The following PCDH15 variants were observed in gnomAD, a reference collection of about 807,000 sequenced individuals.
PCDH15 encodes protocadherin-15.
PCDH15 carries 129 observed loss-of-function variants against 178.5 expected under a neutral mutation model. The ratio of observed to expected loss-of-function variants is 0.72; its 90% confidence interval spans 0.63 to 0.84. PCDH15 has a LOEUF of 0.84. Ranked by LOEUF, PCDH15 falls within the 40% of genes least tolerant of loss-of-function variation. PCDH15 has a pLI of 0.00. For synonymous variants in PCDH15, 800 were observed against 732.0 expected (o/e 1.09, Z -1.50); for missense variants, 2,230 against 2,099.9 (o/e 1.06, Z -1.21).
chr10:53,906,303 C>A (rs1213435029), intron 25 of PCDH15, among the ~76,000 whole-genome samples: 2 of 151,404 alleles, frequency 1.3e-5, no homozygotes, highest in Non-Finnish European at 2.9e-5. Flanking sequence ...TGTTATGTAT[C>A]CCTCCTTTGA....
At chr10:55,327,339 T>C (rs886783245) in intron 2 of PCDH15, among the ~76,000 whole-genome samples, 9 of 152,200 alleles carry the variant, frequency 5.9e-5, no homozygotes, top group African/African-American at 2.2e-4. Context: ...ATTTAGCCTA[T>C]GGCATTTTTG....
intron 1 of PCDH15, among the ~76,000 whole-genome samples, chr10:55,296,069 T>C (rs1564979519): frequency 6.6e-6 from 1 of 152,094 alleles, no homozygotes; most frequent in Non-Finnish European, 1.5e-5. Context: ...ACTGGTTTAT[T>C]ATAGAGGATA....
At chr10:53,904,536 C>G (rs2082541981) in intron 25 of PCDH15, among the ~76,000 whole-genome samples, 1 of 150,554 alleles carries the variant, frequency 6.6e-6, no homozygotes, top group Admixed American at 6.6e-5. Flanking sequence ...AGATTTTGCT[C>G]CTATCCTGCT....
intron 2 of PCDH15, among the ~76,000 whole-genome samples, chr10:55,047,299 A>C (rs1841033426): frequency 6.6e-6 from 1 of 151,906 alleles, no homozygotes; most frequent in African/African-American, 2.4e-5. Context: ...ATGGTAATTA[A>C]AATTCTCTTT....
At chr10:54,124,748 C>A (rs1271836657) in intron 15 of PCDH15, among the ~76,000 whole-genome samples, 1 of 152,146 alleles carries the variant, frequency 6.6e-6, no homozygotes, top group East Asian at 1.9e-4. Flanking sequence ...CCTGTATCAT[C>A]TTCAGAGCAA....
intron 8 of PCDH15, among the ~76,000 whole-genome samples, chr10:54,268,598 C>T (rs906769730): frequency 6.6e-6 from 1 of 151,860 alleles, no homozygotes; most frequent in African/African-American, 2.4e-5. Context: ...GAATGAAATC[C>T]TTTCCTTTGC....
At chr10:54,582,953 G>T (rs181967271) in intron 2 of PCDH15, among the ~76,000 whole-genome samples, 4 of 151,948 alleles carry the variant, frequency 2.6e-5, no homozygotes, top group African/African-American at 9.7e-5. Context: ...CCTTTATTTA[G>T]CATATTAATA....
chr10:55,454,797 A>T (rs1430663356), intron 2 of PCDH15, among the ~76,000 whole-genome samples: 1 of 151,752 alleles, frequency 6.6e-6, no homozygotes, highest in Admixed American at 6.6e-5. Flanking sequence ...AAAAAAAAAA[A>T]AAAATTTAGC....
intron 2 of PCDH15, among the ~76,000 whole-genome samples, chr10:55,103,735 A>G (rs1300606025): frequency 6.6e-6 from 1 of 151,950 alleles, no homozygotes; most frequent in Non-Finnish European, 1.5e-5. Flanking sequence ...GGTCCTTATG[A>G]CTCCCTAATC....
chr10:55,368,063 T>A (rs748362467), intron 2 of PCDH15, among the ~76,000 whole-genome samples: 1 of 152,102 alleles, frequency 6.6e-6, no homozygotes, highest in Non-Finnish European at 1.5e-5. Context: ...TGACTTATAA[T>A]AGGATGGTCC....
At chr10:55,130,733 A>G (rs981958045) in intron 2 of PCDH15, among the ~76,000 whole-genome samples, 1 of 151,158 alleles carries the variant, frequency 6.6e-6, no homozygotes, top group Non-Finnish European at 1.5e-5. Flanking sequence ...GTGTATATAC[A>G]TTAAGCCATA....
chr10:55,397,707 T>C (rs1837963707), intron 2 of PCDH15, among the ~76,000 whole-genome samples: 1 of 152,080 alleles, frequency 6.6e-6, no homozygotes, highest in African/African-American at 2.4e-5. Context: ...TGCCTCAGCC[T>C]CCTGAGTAGC....
At chr10:54,441,762 G>T (rs567130295) in intron 3 of PCDH15, among the ~76,000 whole-genome samples, 6 of 151,882 alleles carry the variant, frequency 4.0e-5, no homozygotes, top group African/African-American at 1.4e-4. Flanking sequence ...GTCTTAGTGA[G>T]GAAACATAGC....
chr10:54,878,002 G>T, intron 3 of PCDH15, among the ~76,000 whole-genome samples: 1 of 123,952 alleles, frequency 8.1e-6, no homozygotes, highest in African/African-American at 3.2e-5. Context: ...TCGCTCTGTT[G>T]CCTAGGCTGG....
intron 10 of PCDH15, among the ~76,000 whole-genome samples, chr10:54,199,564 CAACAACAATAATAAT>C (rs2050021001): frequency 1.3e-5 from 1 of 79,270 alleles, no homozygotes; most frequent in Admixed American, 1.4e-4. Context: ...TAAACAACAA[CAACAACAATAATAAT>C]AATAATAATA....
chr10:53,990,612 GA>G (rs758690136), intron 21 of PCDH15, among the ~76,000 whole-genome samples: 41 of 150,800 alleles, frequency 2.7e-4, no homozygotes, highest in Non-Finnish European at 3.2e-4. Flanking sequence ...ATATATAAAA[GA>G]AAGTTGGTCA....
At chr10:54,731,545 G>GATATATATAT (rs1167781763) in intron 1 of PCDH15, among the ~76,000 whole-genome samples, 4 of 80,256 alleles carry the variant, frequency 5.0e-5, no homozygotes, top group African/African-American at 1.9e-4. Flanking sequence ...ATGTGAGATA[G>GATATATATAT]ATATATATAT....
intron 1 of PCDH15, among the ~76,000 whole-genome samples, chr10:54,686,171 C>T (rs912375921): frequency 2.0e-5 from 3 of 148,396 alleles, no homozygotes; most frequent in African/African-American, 4.9e-5. Flanking sequence ...CCACCGCACT[C>T]GGCCAAGATA....
chr10:55,052,537 CAAAAAAAAAA>C (rs71014444), intron 2 of PCDH15, among the ~76,000 whole-genome samples: 4 of 39,360 alleles, frequency 1.0e-4, no homozygotes, highest in Non-Finnish European at 1.4e-4. Context: ...CCGTCTCATA[CAAAAAAAAAA>C]AAAAAAAAAA....
Sources: gnomAD v4.1 joint callset for allele counts (sites outside exome capture counted in the v4.1 genomes callset) on GRCh38, gnomAD v4.1.1 for gene constraint, MANE v1.5 for transcripts, NCBI Gene and HGNC (gene_info 2026-07-23, HGNC 2026-07-21) for gene names.